Variants in AURKA observed in about 807,000 individuals in gnomAD.
The protein encoded by AURKA is aurora kinase A.
In AURKA, 12 loss-of-function variants were observed where a neutral mutation model predicts 40.9. The ratio of observed to expected loss-of-function variants is 0.29; its 90% CI spans 0.19 to 0.48. The LOEUF (loss-of-function observed/expected upper bound fraction) is 0.48, where lower values mean the gene tolerates loss of function less well. Among genes scored for constraint, AURKA ranks in the 20% least tolerant of loss-of-function variants. AURKA has a pLI of 0.99. For missense variants in AURKA, 322 were observed against 462.1 expected (o/e 0.70, Z 2.78); for synonymous variants, 170 against 164.3 (o/e 1.03, Z -0.26).
chr20:56,383,248 G>T (rs1169166208), intron 4 of AURKA, 72 bp from the exon 5 acceptor site: 4 of 1,473,992 alleles, frequency 2.7e-6, no homozygotes, highest in African/African-American at 2.8e-5. Flanking sequence ...ATGAGTAGCA[G>T]ACACATTCTA....
chr20:56,372,299 T>C (rs1984354011), intron 7 of AURKA, among the ~76,000 whole-genome samples: 1 of 152,188 alleles, frequency 6.6e-6, no homozygotes, highest in African/African-American at 2.4e-5. Context: ...ACGGACTGAA[T>C]CGGGGGTTCT....
chr20:56,384,446 T>C, intron 3 of AURKA, 122 bp from the exon 4 acceptor site: 4 of 759,828 alleles, frequency 5.3e-6, no homozygotes, highest in Non-Finnish European at 8.6e-6. Context: ...GAATGATAAA[T>C]CTGTTTTTTT....
rs759659726 is a variant in AURKA, at chr20:56,383,103, C to T, written c.448G>A (p.Ala150Thr). Residue 150 changes from alanine to threonine, a missense_variant, in exon 5 of 9, where the codon GCA (alanine) becomes ACA (threonine). By Grantham distance (58) the Ala-to-Thr change is moderately conservative. Coordinates refer to ENST00000395915, the MANE Select transcript of AURKA (RefSeq NM_198437.3). ...GKGKFGNVYL[A>T]REKQSKFILA... Reference sequence around the variant, plus strand: ...ATAAACTTGCTTTGCTTTTCTCTTGCCAAATAAACATTACCAAACTTTCCT... The same window carrying T: ...ATAAACTTGCTTTGCTTTTCTCTTGTCAAATAAACATTACCAAACTTTCCT... The T allele has an allele frequency of 6.2e-7, 1 of 1,614,186 alleles. No homozygotes were observed. The highest frequency in any genetic ancestry group is 8.5e-7 in the Non-Finnish European group (1 of 1,180,044).
In AURKA at chr20:56,370,125, C is replaced by G; in HGVS notation, c.*33G>C. 1 of 1,611,342 alleles carries G rather than the reference C, an allele frequency of 6.2e-7. No homozygotes were observed. On this transcript the variant is annotated 3_prime_UTR_variant, in exon 9 of 9. Coordinates refer to ENST00000395915, the MANE Select transcript of AURKA (RefSeq NM_198437.3). ...TGTTCCTGTCAGGTTATATGGCAGC[C>G]CTGGCTCAAGGATTTCTCCCCCTGC... is the stretch of plus-strand genomic sequence containing the variant.
At chr20:56,382,917 G>A in intron 5 of AURKA, 68 bp downstream of exon 5, 1 of 1,568,190 alleles carries the variant, frequency 6.4e-7, no homozygotes, top group Non-Finnish European at 8.8e-7. Context: ...GTGGGAGGCT[G>A]ACATTACAGG....
chr20:56,391,725 G>T (rs956585272), intron 1 of AURKA, among the ~76,000 whole-genome samples: 10 of 152,044 alleles, frequency 6.6e-5, no homozygotes, highest in African/African-American at 2.4e-4. Flanking sequence ...AGCGGCCCCC[G>T]TTAAACCGCA....
chr20:56,388,353 G>A, intron 1 of AURKA, 151 bp from the exon 2 acceptor site: 5 of 732,770 alleles, frequency 6.8e-6, no homozygotes, highest in Non-Finnish European at 1.2e-5. Context: ...AATGAGGGAG[G>A]GACAGGCATG....
intron 5 of AURKA, among the ~76,000 whole-genome samples, chr20:56,382,337 G>A (rs1448462754): frequency 6.6e-6 from 1 of 152,184 alleles, no homozygotes; most frequent in Non-Finnish European, 1.5e-5. Context: ...CAGCCCATGT[G>A]AGATGCCTGC....
intron 7 of AURKA, 65 bp from the exon 8 acceptor site, chr20:56,370,724 A>G (rs1269629678): frequency 6.4e-7 from 1 of 1,572,112 alleles, no homozygotes; most frequent in Non-Finnish European, 8.7e-7. Flanking sequence ...GCTGCTAACA[A>G]TCATTAAAGA....
intron 3 of AURKA, 46 bp downstream of exon 3, chr20:56,386,211 C>A (rs765244666): frequency 6.2e-7 from 1 of 1,612,080 alleles, no homozygotes; most frequent in African/African-American, 1.3e-5. Flanking sequence ...TTTTTAGCAA[C>A]GACGACAAAG....
intron 6 of AURKA, among the ~76,000 whole-genome samples, chr20:56,374,754 A>C (rs1450682129): frequency 6.6e-6 from 1 of 152,166 alleles, no homozygotes; most frequent in Admixed American, 6.5e-5. Context: ...ATCTTGTAAG[A>C]AAAGTTTTCC....
chr20:56,376,477 C>T (rs1165979630), intron 6 of AURKA, among the ~76,000 whole-genome samples: 2 of 151,978 alleles, frequency 1.3e-5, no homozygotes, highest in Non-Finnish European at 2.9e-5. Flanking sequence ...ACCAAAGAGC[C>T]ATTTGTCCAT....
intron 1 of AURKA, chr20:56,390,776 A>G (rs1013966281): frequency 6.6e-6 from 1 of 152,242 alleles, no homozygotes; most frequent in Non-Finnish European, 1.5e-5. Context: ...ACAGTGGGTA[A>G]GTAAAAGTTG....
intron 1 of AURKA, 100 bp from the exon 2 acceptor site, chr20:56,388,302 C>T: frequency 1.0e-6 from 1 of 985,702 alleles, no homozygotes; most frequent in South Asian, 1.3e-5. Context: ...AAAAGGCCTC[C>T]ACAACACACC....
At chr20:56,385,143 A>G (rs1180220056) in intron 3 of AURKA, among the ~76,000 whole-genome samples, 1 of 152,204 alleles carries the variant, frequency 6.6e-6, no homozygotes, top group African/African-American at 2.4e-5. Flanking sequence ...TGAGCTCTCA[A>G]ATTTGTGTGC....
Position 56,373,467 on chromosome 20 carries a change from T to A in AURKA, c.795A>T (p.Gly265=). The A allele has an allele frequency of 6.2e-7, 1 of 1,614,224 alleles. No individual in the cohort carries two copies. Residue 265 remains glycine (G), a synonymous_variant, in exon 7 of 9, where the codon GGA becomes GGT. Coordinates refer to ENST00000395915, the MANE Select transcript of AURKA (RefSeq NM_198437.3). This position sits in a 1 kb window ranked among gnomAD's most constrained non-coding sequence, Gnocchi z 5.0. The part of the protein sequence containing the change: ...RDIKPENLLL[G]SAGELKIADF... Reference sequence around the variant, plus strand: ...CTGCAATTTTAAGCTCTCCAGCTGATCCAAGAAGTAAGTTCTCTGGCTTAA... The same window carrying A: ...CTGCAATTTTAAGCTCTCCAGCTGAACCAAGAAGTAAGTTCTCTGGCTTAA...
chr20:56,370,725 T>G, intron 7 of AURKA, 66 bp from the exon 8 acceptor site: 1 of 1,573,856 alleles, frequency 6.4e-7, no homozygotes, highest in Non-Finnish European at 8.7e-7. Flanking sequence ...CTGCTAACAA[T>G]CATTAAAGAG....
In AURKA at chr20:56,381,471, G is replaced by T. The variant is rs1217224639; in HGVS notation, c.667C>A (p.Gln223Lys). The change falls in exon 6 of 9, where the codon CAG becomes AAG. Residue 223 changes from glutamine to lysine, a missense_variant. By Grantham distance (53) the Gln-to-Lys change is moderately conservative. Coordinates refer to ENST00000395915, the MANE Select transcript of AURKA (RefSeq NM_198437.3). ...TGCTCATCAAACTTTGAAAGTTTCT[G>T]AAGTTCTCTATAAACTGTTCCAAGT... ...APLGTVYREL[Q>K]KLSKFDEQRT... The T allele has an allele frequency of 5.0e-6, 8 of 1,613,600 alleles. No homozygotes were observed. The East Asian group carries it at 1.6e-4, about 31-fold the overall frequency.
chr20:56,386,627 AAAT>A (rs1986417633), intron 2 of AURKA, 94 bp from the exon 3 acceptor site: 17 of 1,383,566 alleles, frequency 1.2e-5, no homozygotes, highest in Middle Eastern at 1.8e-4. Flanking sequence ...TAGTATAGCA[AAAT>A]AATGAATGTC....
Sources: gnomAD v4.1 joint callset for allele counts (sites outside exome capture counted in the v4.1 genomes callset) on GRCh38, gnomAD v4.1.1 for gene constraint, Gnocchi (gnomAD v3.1) non-coding constraint, MANE v1.5 for transcripts, NCBI Gene and HGNC (gene_info 2026-07-23, HGNC 2026-07-21) for gene names.